Variants in CYP27C1 observed in about 807,000 individuals in gnomAD.
The protein encoded by CYP27C1 is cytochrome P450 family 27 subfamily C member 1.
A neutral mutation model predicts 40.6 loss-of-function variants in CYP27C1; 29 were observed. The ratio of observed to expected loss-of-function variants is 0.71; its 90% CI spans 0.53 to 0.97. CYP27C1 has a LOEUF of 0.97. CYP27C1 is among the 50% of genes least tolerant of loss of function. The pLI is 0.00. For missense variants in CYP27C1, 390 were observed against 485.8 expected, an observed-to-expected ratio of 0.80 and a Z score of 1.85; for synonymous variants, 198 against 186.8, an observed-to-expected ratio of 1.06 and a Z score of -0.49.
chr2:127,204,508 AGAAAGAAG>A lies in CYP27C1; in HGVS notation c.474-945_474-938del, dbSNP rs1558931175. On this transcript the variant is annotated intron_variant, in intron 2 of 8. Coordinates refer to ENST00000664447, the MANE Select transcript of CYP27C1 (RefSeq NM_001367502.1). ...AGAAAGGAAGGAAGGAAGGAAGGAA[AGAAAGAAG>A]GAAAGAAAGAAAGAAAGAAAGAGAG... Among the ~76,000 whole-genome samples the A allele has an allele frequency of 9.2e-4, 52 of 56,544 alleles. 7 individuals are homozygous for A. The highest frequency in any genetic ancestry group is 0.014 in the Middle Eastern group (2 of 142). The allele number at this position is 56,544 out of a possible 152,430, so 37.1% of individuals were successfully genotyped here.
At chr2:127,214,799 T>A (rs10205652) in intron 1 of CYP27C1, among the ~76,000 whole-genome samples, 4 of 95,210 alleles carry the variant, frequency 4.2e-5, no homozygotes, top group Non-Finnish European at 7.5e-5. Context: ...TTTTTTTTTT[T>A]GGTTTTTTTT....
chr2:127,205,568 A>G (rs1212555479), intron 2 of CYP27C1: 1 of 541,338 alleles, frequency 1.8e-6, no homozygotes, highest in Non-Finnish European at 2.4e-6. Flanking sequence ...CCCTGTGCAC[A>G]GACAAGGGCG....
chr2:127,191,103 T>A (rs1431969740), intron 8 of CYP27C1, among the ~76,000 whole-genome samples: 1 of 151,562 alleles, frequency 6.6e-6, no homozygotes, highest in African/African-American at 2.4e-5. Context: ...AAAAATTAGC[T>A]GGGCGTGGTG....
rs1443611061 is a variant in CYP27C1 at position 127,204,460 on chromosome 2, GAAA to G, written c.474-892_474-890del. The stretch of plus-strand genomic sequence containing the variant: ...AAAGAAAAAGAAAGAAAGAAAGAAA[GAAA>G]GAAAGAAAGAAAGAAAGAAAGAAAG... On this transcript the variant is annotated intron_variant, in intron 2 of 8. Transcript: ENST00000664447. 7.4e-3 allele frequency among the ~76,000 whole-genome samples: 323 copies of G among 43,918 alleles called. 12 individuals carry two copies. Among genetic ancestry groups the G allele is most frequent in the Non-Finnish European group, 0.011 (243 of 22,214 alleles). 28.8% of individuals were successfully genotyped at this position (43,918 alleles called of 152,430 possible).
intron 2 of CYP27C1, among the ~76,000 whole-genome samples, chr2:127,204,440 A>AAAAAGAAAGAAAGAAAG (rs1268658274): frequency 2.4e-5 from 1 of 41,284 alleles, no homozygotes; most frequent in African/African-American, 7.7e-5. Flanking sequence ...GAAAGAAAGA[A>AAAAAGAAAGAAAGAAAG]AAAGAAAGAA....
chr2:127,214,851 G>A lies in CYP27C1; in HGVS notation c.282+5138C>T, dbSNP rs146930719. ...AAAAAAAAAAGACTTAGTACAGGCC[G>A]GGCGCAGTGGCTCACGCCTGTAATC... On this transcript the variant is annotated intron_variant, in intron 1 of 8. Coordinates refer to ENST00000664447, the MANE Select transcript of CYP27C1 (RefSeq NM_001367502.1). Among the ~76,000 whole-genome samples, 1,144 of 144,596 alleles carry A rather than the reference G, an allele frequency of 7.9e-3. 10 individuals are homozygous for A. The highest frequency in any genetic ancestry group is 0.028 in the African/African-American group (1,080 of 38,904). The allele number at this position is 144,596 out of a possible 152,430, so 94.9% of individuals were successfully genotyped here. A position where few individuals can be genotyped will look rare whatever the true frequency, so the allele number is the denominator to read the frequency against.
chr2:127,191,966 C>T (rs115698804), intron 8 of CYP27C1, among the ~76,000 whole-genome samples: 168 of 152,348 alleles, frequency 1.1e-3, no homozygotes, highest in African/African-American at 3.9e-3. Flanking sequence ...TGTGCCTCCT[C>T]CCTGGGCAGT....
chr2:127,209,599 A>G lies in CYP27C1; in HGVS notation c.283-3509T>C, dbSNP rs999576602. Among the ~76,000 whole-genome samples, 1 of 152,202 alleles carries G rather than the reference A, an allele frequency of 6.6e-6. No homozygotes were observed. The highest frequency in any genetic ancestry group is 6.5e-5 in the Admixed American group (1 of 15,284). On this transcript the variant is annotated intron_variant, in intron 1 of 8. Transcript: ENST00000664447. The surrounding 1 kb of genome is among the most constrained non-coding windows in gnomAD (Gnocchi z 4.1). The stretch of plus-strand genomic sequence containing the variant: ...AAGGAGCATGTTCTAACACAATGCA[A>G]AGAAGCTAAGAACCTTGATAAAAGG...
chr2:127,206,136 T>C (rs1683225077), intron 1 of CYP27C1, among the ~76,000 whole-genome samples, 46 bp from the exon 2 acceptor site: 1 of 152,214 alleles, frequency 6.6e-6, no homozygotes, highest in South Asian at 2.1e-4. Flanking sequence ...TACATAGATA[T>C]GATATACCTT....
chr2:127,193,378 A>G, intron 7 of CYP27C1, 81 bp from the exon 8 acceptor site: 1 of 1,566,516 alleles, frequency 6.4e-7, no homozygotes, highest in South Asian at 1.1e-5. Flanking sequence ...CCCTAGCCGG[A>G]CAGTCTCCCG....
At position 127,216,211 on chromosome 2, in the gene CYP27C1, A is replaced by G. The variant is rs941186132; in HGVS notation, c.282+3778T>C. Among the ~76,000 whole-genome samples the G allele has an allele frequency of 3.3e-5, 5 of 152,220 alleles. No individual in the cohort carries two copies. In the East Asian group the frequency reaches 9.6e-4, roughly 29 times the overall value. On this transcript the variant is annotated intron_variant, in intron 1 of 8. Transcript: ENST00000664447. Reference sequence around the variant, plus strand: ...TAGATACATATCCAAGAGAAATGAAAACACATGTCTACACAAAACCTTACA... The same window carrying G: ...TAGATACATATCCAAGAGAAATGAAGACACATGTCTACACAAAACCTTACA...
intron 8 of CYP27C1, among the ~76,000 whole-genome samples, chr2:127,188,115 G>T (rs1302827762): frequency 6.6e-6 from 1 of 152,214 alleles, no homozygotes; most frequent in Non-Finnish European, 1.5e-5. Context: ...GGCTCCTGGG[G>T]GGAGGAGGGA....
In CYP27C1 at chr2:127,218,207, G is replaced by A. The variant is rs1683470556; in HGVS notation, c.282+1782C>T. Reference sequence around the variant, plus strand: ...ATCTGAACTGCCACACATCCTGACTGGATACAGGCTTTAACACGGTCCGTC... The same window carrying A: ...ATCTGAACTGCCACACATCCTGACTAGATACAGGCTTTAACACGGTCCGTC... On this transcript the variant is annotated intron_variant, in intron 1 of 8. Coordinates refer to ENST00000664447, the MANE Select transcript of CYP27C1 (RefSeq NM_001367502.1). This position sits in a 1 kb window ranked among gnomAD's most constrained non-coding sequence, Gnocchi z 6.0. Among the ~76,000 whole-genome samples, 1 of 152,094 alleles carries A rather than the reference G, an allele frequency of 6.6e-6. No homozygotes were observed. The highest frequency in any genetic ancestry group is 2.4e-5 in the African/African-American group (1 of 41,406).
At chr2:127,192,347 A>T (rs1682798527) in intron 8 of CYP27C1, among the ~76,000 whole-genome samples, 1 of 152,332 alleles carries the variant, frequency 6.6e-6, no homozygotes, top group South Asian at 2.1e-4. Context: ...AGTCTTCTCC[A>T]ACTTGCAGGA....
In CYP27C1 at chr2:127,203,582, C is replaced by T; in HGVS notation, c.474-11G>A. The T allele has an allele frequency of 1.9e-6, 3 of 1,602,638 alleles. No homozygotes were observed. Among genetic ancestry groups the T allele is most frequent in the Non-Finnish European group, 2.5e-6 (3 of 1,177,272 alleles). On this transcript the variant is annotated splice_polypyrimidine_tract_variant and intron_variant, in intron 2 of 8. Coordinates refer to ENST00000664447, the MANE Select transcript of CYP27C1 (RefSeq NM_001367502.1). ...CACTGTTCACCCTCCCTAGAAGAAT[C>T]AAGTGAGTTTCAAATCATCTTACTT... is the stretch of plus-strand genomic sequence containing the variant.
At chr2:127,193,044 A>C in intron 8 of CYP27C1, 50 bp downstream of exon 8, 1 of 1,601,164 alleles carries the variant, frequency 6.2e-7, no homozygotes, top group Non-Finnish European at 8.5e-7. Context: ...TGTTGTGCCC[A>C]GTAGAAAGAG....
In CYP27C1 at chr2:127,207,681, T is replaced by A. The variant is rs764286038; in HGVS notation, c.283-1591A>T. Among the ~76,000 whole-genome samples the A allele has an allele frequency of 8.2e-3, 1,047 of 127,712 alleles. 13 individuals carry two copies. Among genetic ancestry groups the A allele is most frequent in the African/African-American group, 0.024 (935 of 39,554 alleles). 83.8% of individuals were successfully genotyped at this position (127,712 alleles called of 152,430 possible). On this transcript the variant is annotated intron_variant, in intron 1 of 8. Transcript: ENST00000664447. ...CAAGACTCTGTCACAAAAAAAAAAATAATAATATTCTTAGAAATAAATTTA... is the reference window on the plus strand; with the variant it reads ...CAAGACTCTGTCACAAAAAAAAAAAAAATAATATTCTTAGAAATAAATTTA...
Position 127,195,603 on chromosome 2 carries a change from C to G in CYP27C1, c.1048-102G>C. On this transcript the variant is annotated intron_variant, in intron 5 of 8. Coordinates refer to ENST00000664447, the MANE Select transcript of CYP27C1 (RefSeq NM_001367502.1). This position sits in a 1 kb window ranked among gnomAD's most constrained non-coding sequence, Gnocchi z 6.2. ...AAGTCCCCTGGGAATACACACAGCA[C>G]AAAGTCAAACTCATCCAATTCCATA... The G allele has an allele frequency of 1.7e-6, 2 of 1,201,976 alleles. No individual in the cohort carries two copies. Among genetic ancestry groups the G allele is most frequent in the South Asian group, 3.0e-5 (2 of 65,576 alleles). The allele number at this position is 1,201,976 out of a possible 1,614,324, so 74.5% of individuals were successfully genotyped here.
intron 5 of CYP27C1, among the ~76,000 whole-genome samples, chr2:127,198,473 CATTT>C (rs1439533651): frequency 1.3e-5 from 2 of 152,092 alleles, no homozygotes; most frequent in Non-Finnish European, 1.5e-5. Flanking sequence ...AAACTTTAAA[CATTT>C]ATTATCATTT....
Sources: allele counts gnomAD v4.1 joint callset (sites outside exome capture counted in the v4.1 genomes callset), GRCh38; gene constraint gnomAD v4.1.1; non-coding constraint Gnocchi (gnomAD v3.1); transcripts MANE v1.5; gene names NCBI Gene and HGNC (gene_info 2026-07-23, HGNC 2026-07-21).